Variants in UNC5D observed in about 807,000 individuals in gnomAD.
The protein encoded by UNC5D is unc-5 netrin receptor D.
A neutral mutation model predicts 105.4 loss-of-function variants in UNC5D; 39 were observed. The observed-to-expected ratio is 0.37, with a 90% CI of 0.29 to 0.48. UNC5D has a LOEUF of 0.48. UNC5D is among the 20% of genes least tolerant of loss of function. The pLI, the probability that UNC5D is intolerant of heterozygous loss-of-function variation, is 0.98. For synonymous variants in UNC5D, 452 were observed against 450.4 expected (o/e 1.00, Z -0.04); for missense variants, 991 against 1,202.4 (o/e 0.82, Z 2.60).
chr8:35,462,841 G>A (rs1808996544), intron 1 of UNC5D, among the ~76,000 whole-genome samples: 1 of 152,138 alleles, frequency 6.6e-6, no homozygotes, highest in South Asian at 2.1e-4. Context: ...TATAAGGGGG[G>A]TTGGTCTCAT....
At chr8:35,533,699 A>G (rs1814594265) in intron 1 of UNC5D, among the ~76,000 whole-genome samples, 1 of 152,094 alleles carries the variant, frequency 6.6e-6, no homozygotes, top group Non-Finnish European at 1.5e-5. Flanking sequence ...AATCAGCGAG[A>G]TTCCGTGGGC....
At chr8:35,712,113 A>C (rs897467248) in intron 8 of UNC5D, among the ~76,000 whole-genome samples, 1 of 152,198 alleles carries the variant, frequency 6.6e-6, no homozygotes, top group Non-Finnish European at 1.5e-5. Context: ...TCTACTAAAA[A>C]TACAAAAATT....
At chr8:35,685,864 T>C (rs1825972513) in intron 6 of UNC5D, among the ~76,000 whole-genome samples, 2 of 152,172 alleles carry the variant, frequency 1.3e-5, no homozygotes, top group Non-Finnish European at 2.9e-5. Flanking sequence ...AATTGCAGTA[T>C]CTTAAATAAC....
intron 1 of UNC5D, among the ~76,000 whole-genome samples, chr8:35,356,763 A>C (rs1801582606): frequency 6.6e-6 from 1 of 152,076 alleles, no homozygotes; most frequent in South Asian, 2.1e-4. Flanking sequence ...TTAAGAAGTA[A>C]AGTAAGGGTG....
intron 1 of UNC5D, among the ~76,000 whole-genome samples, chr8:35,454,709 T>C (rs2128993476): frequency 6.6e-6 from 1 of 152,322 alleles, no homozygotes; most frequent in South Asian, 2.1e-4. Flanking sequence ...GGTATATTTC[T>C]TTTCTGTGTA....
At chr8:35,693,907 C>T (rs997835886) in intron 7 of UNC5D, among the ~76,000 whole-genome samples, 2 of 151,972 alleles carry the variant, frequency 1.3e-5, no homozygotes, top group African/African-American at 4.8e-5. Flanking sequence ...AATAAAACAC[C>T]TCCACTGTAA....
intron 1 of UNC5D, among the ~76,000 whole-genome samples, chr8:35,359,499 T>C (rs1033485138): frequency 6.6e-6 from 1 of 152,222 alleles, no homozygotes; most frequent in African/African-American, 2.4e-5. Flanking sequence ...GACAATCTTG[T>C]ATGTGAACAC....
chr8:35,499,761 G>T (rs572169518), intron 1 of UNC5D, among the ~76,000 whole-genome samples: 10 of 152,272 alleles, frequency 6.6e-5, no homozygotes, highest in Admixed American at 2.0e-4. Flanking sequence ...CTCAAGCAGG[G>T]CATTAATAAT....
At chr8:35,469,903 T>A (rs920574922) in intron 1 of UNC5D, among the ~76,000 whole-genome samples, 4 of 152,184 alleles carry the variant, frequency 2.6e-5, no homozygotes, top group African/African-American at 9.6e-5. Context: ...TGTACGGGAA[T>A]GAAGGAAAGG....
Position 35,791,446 on chromosome 8 carries a change from A to T in UNC5D, c.*883A>T, listed in dbSNP as rs1306369359. ...GAGAGATTAAAGCAGGTTCAAAAAC[A>T]CATGAACTGCAGATGCCATAGGCCT... On this transcript the variant is annotated 3_prime_UTR_variant, in exon 17 of 17. Transcript: ENST00000404895. The T allele has an allele frequency of 6.6e-6, 1 of 152,160 alleles. No homozygotes were observed. Among genetic ancestry groups the T allele is most frequent in the African/African-American group, 2.4e-5 (1 of 41,444 alleles). The allele number at this position is 152,160 out of a possible 1,614,324, so 9.4% of individuals were successfully genotyped here. A position where few individuals can be genotyped will look rare whatever the true frequency, so the allele number is the denominator to read the frequency against.
intron 11 of UNC5D, among the ~76,000 whole-genome samples, chr8:35,744,687 AT>A (rs1298350763): frequency 2.0e-5 from 3 of 152,132 alleles, no homozygotes; most frequent in South Asian, 4.1e-4. Context: ...TACAACAAGT[AT>A]TTTTGAGTGC....
At chr8:35,498,771 A>G (rs1291515381) in intron 1 of UNC5D, among the ~76,000 whole-genome samples, 1 of 152,102 alleles carries the variant, frequency 6.6e-6, no homozygotes, top group African/African-American at 2.4e-5. Context: ...TCTTGGCTCA[A>G]AACTCATAAT....
In UNC5D at chr8:35,332,285, G is replaced by GTA. The variant is rs568234419; in HGVS notation, c.103+96399_103+96400dup. ...AAATATTTTGGAGGCTTTTACTATTGTACTGTGATGTAGCAGAATGGGTTT... is the reference window on the plus strand; with the variant it reads ...AAATATTTTGGAGGCTTTTACTATTGTATACTGTGATGTAGCAGAATGGGTTT... On this transcript the variant is annotated intron_variant, in intron 1 of 16. Coordinates refer to ENST00000404895, the MANE Select transcript of UNC5D (RefSeq NM_080872.4). Among the ~76,000 whole-genome samples, 67 of 152,264 alleles carry GTA rather than the reference G, an allele frequency of 4.4e-4. 1 individual carries two copies. The Middle Eastern group carries it at 0.014, about 31-fold the overall frequency.
intron 1 of UNC5D, among the ~76,000 whole-genome samples, chr8:35,517,787 A>AT (rs1474555428): frequency 6.6e-6 from 1 of 152,168 alleles, no homozygotes; most frequent in Non-Finnish European, 1.5e-5. Flanking sequence ...AACAACAGAA[A>AT]TTTATTTCTT....
chr8:35,533,449 A>G (rs1229709059), intron 1 of UNC5D, among the ~76,000 whole-genome samples: 1 of 152,036 alleles, frequency 6.6e-6, no homozygotes, highest in Non-Finnish European at 1.5e-5. Context: ...GCTCTCTTCA[A>G]AGCTGTCATA....
intron 2 of UNC5D, among the ~76,000 whole-genome samples, chr8:35,554,551 C>T (rs777136205): frequency 3.9e-5 from 6 of 152,132 alleles, no homozygotes; most frequent in East Asian, 1.9e-4. Flanking sequence ...TATGCAGTAA[C>T]GTAGAAATTA....
At chr8:35,248,101 T>G (rs1451330741) in intron 1 of UNC5D, among the ~76,000 whole-genome samples, 2 of 72,438 alleles carry the variant, frequency 2.8e-5, no homozygotes, top group African/African-American at 1.2e-4. Context: ...TAAATATATA[T>G]TATATATAAA....
chr8:35,609,593 T>A (rs1395783069), intron 4 of UNC5D, among the ~76,000 whole-genome samples: 1 of 152,216 alleles, frequency 6.6e-6, no homozygotes, highest in African/African-American at 2.4e-5. Flanking sequence ...GTATGTATCA[T>A]TCTGCCTATT....
At position 35,705,920 on chromosome 8, in the gene UNC5D, T is replaced by G. The variant is rs776383934; in HGVS notation, c.1085-9T>G. ...TGCAACTTTCTTTTTCTTTCTTTCT[T>G]TCTTTTAGATAAAAAACCTCTTCAT... On this transcript the variant is annotated splice_polypyrimidine_tract_variant and intron_variant, in intron 7 of 16. Transcript: ENST00000404895. The G allele has an allele frequency of 7.5e-7, 1 of 1,325,646 alleles. No individual in the cohort carries two copies. Among genetic ancestry groups the G allele is most frequent in the Non-Finnish European group, 1.1e-6 (1 of 947,388 alleles). The allele number at this position is 1,325,646 out of a possible 1,614,324, so 82.1% of individuals were successfully genotyped here. A position where few individuals can be genotyped will look rare whatever the true frequency, so the allele number is the denominator to read the frequency against.
Sources: gnomAD v4.1 joint callset for allele counts (sites outside exome capture counted in the v4.1 genomes callset) on GRCh38, gnomAD v4.1.1 for gene constraint, MANE v1.5 for transcripts, NCBI Gene and HGNC (gene_info 2026-07-23, HGNC 2026-07-21) for gene names.